The following CCNH variants were observed in gnomAD, a reference collection of about 807,000 sequenced individuals.
The protein encoded by CCNH is cyclin H, also known as cyclin-H.
In CCNH, 31 loss-of-function variants were observed where a neutral mutation model predicts 41.9. That is an observed-to-expected ratio of 0.74 (90% CI 0.56 to 1.00). CCNH has a LOEUF of 1.00. CCNH is among the 50% of genes least tolerant of loss of function. The pLI, the probability that CCNH is intolerant of heterozygous loss-of-function variation, is 0.00. For missense variants in CCNH, 362 were observed against 388.4 expected (o/e 0.93, Z 0.57); for synonymous variants, 138 against 136.1 (o/e 1.01, Z -0.10).
rs1759087266 is a variant in CCNH, at chr5:87,349,269, T to C, written c.*91-30372A>G. The C allele has an allele frequency of 1.9e-6, 3 of 1,612,268 alleles. No homozygotes were observed. Among genetic ancestry groups the C allele is most frequent in the East Asian group, 4.5e-5 (2 of 44,764 alleles). ...CCTCAGATAATACTCCTGGCGATTA[T>C]TCACTTTATTTCCGGACCAATGAAA... On this transcript the variant is annotated intron_variant and NMD_transcript_variant, in intron 9 of 9. Transcript: ENST00000645953.
intron 9 of CCNH, among the ~76,000 whole-genome samples, chr5:87,335,638 G>A (rs1757921481): frequency 6.6e-6 from 1 of 150,676 alleles, no homozygotes; most frequent in Non-Finnish European, 1.5e-5. Context: ...GTTGGCCAGG[G>A]TAGTCTTGAA....
At chr5:87,346,678 C>T in intron 9 of CCNH, 1 of 1,548,670 alleles carries the variant, frequency 6.5e-7, no homozygotes, top group Non-Finnish European at 8.9e-7. Flanking sequence ...TAAGATGGTT[C>T]CATGGGAAGA....
downstream of CCNH, chr5:87,372,012 C>G (rs1760983203): frequency 5.9e-6 from 5 of 854,076 alleles, no homozygotes; most frequent in South Asian, 1.6e-5. Flanking sequence ...AAATGGCAGT[C>G]TAGAGAAGGA....
intron 7 of CCNH, among the ~76,000 whole-genome samples, chr5:87,397,382 A>C (rs2112550911): frequency 6.6e-6 from 1 of 151,588 alleles, no homozygotes; most frequent in Non-Finnish European, 1.5e-5. Flanking sequence ...CTGGTCTCGA[A>C]CTCCCGACCT....
chr5:87,375,718 A>T (rs1219705538), downstream of CCNH, among the ~76,000 whole-genome samples: 2 of 152,178 alleles, frequency 1.3e-5, no homozygotes, highest in African/African-American at 4.8e-5. Context: ...AAAACAGTTG[A>T]CAGTGAGATT....
At chr5:87,389,480 C>T (rs926442725), downstream of CCNH, 2 of 1,614,184 alleles carry the variant, frequency 1.2e-6, no homozygotes, top group Non-Finnish European at 8.5e-7. Flanking sequence ...TTGCGTGGCT[C>T]ATTCAGATGA....
chr5:87,382,975 C>T (rs1285963978), intron 9 of CCNH, among the ~76,000 whole-genome samples: 1 of 151,624 alleles, frequency 6.6e-6, no homozygotes, highest in East Asian at 1.9e-4. Flanking sequence ...CACCTGTAGT[C>T]CTAACTACTC....
At chr5:87,314,081 G>A (rs1316648082), downstream of CCNH, among the ~76,000 whole-genome samples, 1 of 152,216 alleles carries the variant, frequency 6.6e-6, no homozygotes, top group Non-Finnish European at 1.5e-5. Context: ...AGGCAGGCAG[G>A]AGAATCGCTT....
intron 9 of CCNH, among the ~76,000 whole-genome samples, chr5:87,334,381 AC>A (rs1457232036): frequency 6.6e-6 from 1 of 152,146 alleles, no homozygotes; most frequent in Non-Finnish European, 1.5e-5. Context: ...GATGATGCCC[AC>A]TCACATTGGG....
intron 9 of CCNH, among the ~76,000 whole-genome samples, chr5:87,354,424 A>G (rs1452517384): frequency 6.6e-6 from 1 of 152,114 alleles, no homozygotes; most frequent in Non-Finnish European, 1.5e-5. Context: ...ATCTGTGATC[A>G]GTGATCTTTA....
intron 9 of CCNH, among the ~76,000 whole-genome samples, chr5:87,365,393 ACTTT>A (rs1760436896): frequency 6.6e-6 from 1 of 152,120 alleles, no homozygotes; most frequent in African/African-American, 2.4e-5. Context: ...AGTACTTCCT[ACTTT>A]CTTGTTCAAT....
rs528357903 is a variant in CCNH, at chr5:87,369,849, T to C, written c.*90+22921A>G. ...TTCAGATAGTAGTTCAGCACTTTAG[T>C]GAAGAACATTACATCTTTTACTTTG... is the stretch of plus-strand genomic sequence containing the variant. On this transcript the variant is annotated intron_variant and NMD_transcript_variant, in intron 9 of 9. Coordinates refer to the CCNH transcript ENST00000645953. 3.7e-6 allele frequency: 6 copies of C among 1,612,402 alleles called. No homozygotes were observed. In the South Asian group the frequency reaches 6.6e-5, roughly 18 times the overall value.
upstream of CCNH, among the ~76,000 whole-genome samples, chr5:87,378,922 C>T (rs1019592467): frequency 1.3e-5 from 2 of 151,720 alleles, no homozygotes; most frequent in South Asian, 2.1e-4. Context: ...GGTTTTTTTG[C>T]GAGGGGAGAA....
chr5:87,338,536 A>ATATATATATTTTT lies in CCNH; in HGVS notation c.*91-19640_*91-19639insAAAAATATATATA. Among the ~76,000 whole-genome samples, 90 of 85,196 alleles carry ATATATATATTTTT rather than the reference A, an allele frequency of 1.1e-3. 5 individuals are homozygous for ATATATATATTTTT. The highest frequency in any genetic ancestry group is 5.4e-3 in the Admixed American group (42 of 7,710). 55.9% of individuals were successfully genotyped at this position (85,196 alleles called of 152,430 possible). A position where few individuals can be genotyped will look rare whatever the true frequency, so the allele number is the denominator to read the frequency against. On this transcript the variant is annotated intron_variant and NMD_transcript_variant, in intron 9 of 9. Coordinates refer to the CCNH transcript ENST00000645953. ...ATATATATATATATATATATATAAA[A>ATATATATATTTTT]TTTTTTTTTTTTTTAAGTAGAAATG...
chr5:87,372,080 T>C (rs1760990758), downstream of CCNH: 5 of 1,554,632 alleles, frequency 3.2e-6, no homozygotes, highest in African/African-American at 6.9e-5. Flanking sequence ...CCAAATAAAC[T>C]AGTGTATATT....
chr5:87,358,906 T>TA (rs1238544389), intron 9 of CCNH, among the ~76,000 whole-genome samples: 8 of 152,090 alleles, frequency 5.3e-5, no homozygotes, highest in Admixed American at 3.3e-4. Flanking sequence ...GCCTCACTCT[T>TA]ACATCTTTCA....
intron 9 of CCNH, among the ~76,000 whole-genome samples, chr5:87,360,652 A>G (rs1295279238): frequency 6.6e-6 from 1 of 152,204 alleles, no homozygotes; most frequent in Non-Finnish European, 1.5e-5. Context: ...ATTTTGATGT[A>G]CATACAAAAA....
intron 9 of CCNH, among the ~76,000 whole-genome samples, chr5:87,370,890 C>T (rs1208880154): frequency 6.6e-6 from 1 of 152,094 alleles, no homozygotes; most frequent in Non-Finnish European, 1.5e-5. Context: ...AATGAGCTTA[C>T]AACTGAACGT....
intron 9 of CCNH, among the ~76,000 whole-genome samples, chr5:87,325,109 G>A (rs908794893): frequency 5.3e-5 from 8 of 152,054 alleles, no homozygotes; most frequent in East Asian, 1.9e-4. Context: ...CAATCATGGC[G>A]GAAGGGGAAG....
Sources: allele counts gnomAD v4.1 joint callset (sites outside exome capture counted in the v4.1 genomes callset), GRCh38; gene constraint gnomAD v4.1.1; transcripts MANE v1.5; gene names NCBI Gene and HGNC (gene_info 2026-07-23, HGNC 2026-07-21).